Variants in NXN observed in about 807,000 individuals in gnomAD.
NXN encodes the protein nucleoredoxin, also known as nucleoredoxin 1.
In NXN, 16 loss-of-function variants were observed where a neutral mutation model predicts 48.6. The observed-to-expected ratio is 0.33, with a 90% CI of 0.22 to 0.50. NXN has a LOEUF of 0.50. Ranked by LOEUF, NXN falls within the 20% of genes least tolerant of loss-of-function variation. NXN has a pLI of 0.98. For synonymous variants in NXN, 281 were observed against 269.6 expected, an observed-to-expected ratio of 1.04 and a Z score of -0.41; for missense variants, 492 against 605.5, an observed-to-expected ratio of 0.81 and a Z score of 1.97.
intron 7 of NXN, among the ~76,000 whole-genome samples, chr17:802,822 C>T (rs375656907): frequency 8.5e-5 from 13 of 152,296 alleles, no homozygotes; most frequent in Admixed American, 1.3e-4. Context: ...CTGCCTCCTC[C>T]GTGCCTCTCC....
intron 1 of NXN, among the ~76,000 whole-genome samples, chr17:949,906 AAC>A (rs1394436454): frequency 1.3e-5 from 2 of 151,802 alleles, no homozygotes; most frequent in African/African-American, 4.8e-5. Flanking sequence ...ACCTTCTGGT[AAC>A]AGTCATTTGG....
In NXN at chr17:932,324, G is replaced by A. The variant is rs1597252464; in HGVS notation, c.360+46995C>T. Reference sequence around the variant, plus strand: ...CTGGTCCCTGGACGTACGGCTTCCGGGTTGCCTGGGAACTGTTGCTAGAAT... The same window carrying A: ...CTGGTCCCTGGACGTACGGCTTCCGAGTTGCCTGGGAACTGTTGCTAGAAT... On this transcript the variant is annotated intron_variant, in intron 1 of 7. Coordinates refer to ENST00000336868, the MANE Select transcript of NXN (RefSeq NM_022463.5). This position sits in a 1 kb window ranked among gnomAD's most constrained non-coding sequence, Gnocchi z 4.1. 6.6e-6 allele frequency among the ~76,000 whole-genome samples: 1 copy of A among 152,154 alleles called. No homozygotes were observed. The highest frequency in any genetic ancestry group is 6.5e-5 in the Admixed American group (1 of 15,274).
At chr17:843,379 T>C (rs1477350795) in intron 1 of NXN, among the ~76,000 whole-genome samples, 2 of 152,214 alleles carry the variant, frequency 1.3e-5, no homozygotes, top group Admixed American at 6.5e-5. Flanking sequence ...AAACGGCATA[T>C]GGCTGCCAGG....
rs571418500 is a variant in NXN at position 920,137 on chromosome 17, C to A, written c.360+59182G>T. ...CTGGTCTTGAACTCCTGGGCTCAAG[C>A]GATCAGCCCATCTCAGCCGCCCAAA... On this transcript the variant is annotated intron_variant, in intron 1 of 7. Transcript: ENST00000336868. The surrounding 1 kb of genome is among the most constrained non-coding windows in gnomAD (Gnocchi z 4.6). Among the ~76,000 whole-genome samples, 1 of 152,002 alleles carries A rather than the reference C, an allele frequency of 6.6e-6. No homozygotes were observed. The highest frequency in any genetic ancestry group is 2.4e-5 in the African/African-American group (1 of 41,384).
chr17:935,143 A>C (rs907392207), intron 1 of NXN, among the ~76,000 whole-genome samples: 5 of 151,804 alleles, frequency 3.3e-5, no homozygotes, highest in African/African-American at 1.2e-4. Context: ...AGGTGCATGC[A>C]CTACCACGCC....
At chr17:809,579 C>T (rs937339118) in intron 5 of NXN, among the ~76,000 whole-genome samples, 4 of 152,154 alleles carry the variant, frequency 2.6e-5, no homozygotes, top group Middle Eastern at 3.4e-3. Context: ...TGGATGGCAA[C>T]GTGATCTGAG....
At chr17:897,671 TG>T (rs1474969464) in intron 1 of NXN, among the ~76,000 whole-genome samples, 9 of 136,612 alleles carry the variant, frequency 6.6e-5, no homozygotes, top group African/African-American at 1.7e-4. Flanking sequence ...GTCCAGCATT[TG>T]TTTTTCTTTT....
At chr17:916,924 G>A (rs1314173702) in intron 1 of NXN, among the ~76,000 whole-genome samples, 1 of 152,088 alleles carries the variant, frequency 6.6e-6, no homozygotes, top group Non-Finnish European at 1.5e-5. Context: ...CAACCAACAG[G>A]CCTCTAGGTT....
chr17:926,434 G>A (rs527450085), intron 1 of NXN, among the ~76,000 whole-genome samples: 5 of 151,970 alleles, frequency 3.3e-5, no homozygotes, highest in South Asian at 2.1e-4. Context: ...CGATCCTCCC[G>A]CCTCAGCCTC....
At chr17:882,403 G>A (rs2068293835) in intron 1 of NXN, among the ~76,000 whole-genome samples, 1 of 152,216 alleles carries the variant, frequency 6.6e-6, no homozygotes, top group Admixed American at 6.5e-5. Context: ...GCTCCTGAAT[G>A]AGGCGGAGCC....
chr17:948,605 G>A (rs1044997508), intron 1 of NXN, among the ~76,000 whole-genome samples: 2 of 152,000 alleles, frequency 1.3e-5, no homozygotes, highest in African/African-American at 2.4e-5. Context: ...GCTCCCGGGC[G>A]ACTGAAGATC....
In NXN at chr17:802,766, G is replaced by A. The variant is rs1029709962; in HGVS notation, c.1125+916C>T. Among the ~76,000 whole-genome samples the A allele has an allele frequency of 5.3e-5, 8 of 152,322 alleles. No homozygotes were observed. The East Asian group carries it at 1.4e-3, about 26-fold the overall frequency. On this transcript the variant is annotated intron_variant, in intron 7 of 7. Coordinates refer to ENST00000336868, the MANE Select transcript of NXN (RefSeq NM_022463.5). ...CCCAGGTGCTGGGCTGGGCAGGGCC[G>A]GGGGCTGAGGTGATGAATGGGTGGC...
At chr17:812,570 T>A (rs976023183) in intron 5 of NXN, among the ~76,000 whole-genome samples, 14 of 152,020 alleles carry the variant, frequency 9.2e-5, no homozygotes, top group African/African-American at 3.4e-4. Context: ...TGTGTGTGAG[T>A]CTGTGTGTGC....
At chr17:804,339 G>A (rs973931871) in intron 6 of NXN, among the ~76,000 whole-genome samples, 12 of 143,736 alleles carry the variant, frequency 8.3e-5, no homozygotes, top group Admixed American at 2.9e-4. Flanking sequence ...CTGGAGTGCA[G>A]TGGTGCCATC....
At chr17:868,678 G>T (rs2068119371) in intron 1 of NXN, among the ~76,000 whole-genome samples, 1 of 152,028 alleles carries the variant, frequency 6.6e-6, no homozygotes, top group African/African-American at 2.4e-5. Flanking sequence ...ATTTTTAGTA[G>T]AGACGGGGTT....
chr17:946,381 A>C (rs561749425), intron 1 of NXN, among the ~76,000 whole-genome samples: 5 of 152,184 alleles, frequency 3.3e-5, no homozygotes, highest in Admixed American at 2.0e-4. Context: ...GTTGGCCAGG[A>C]TGGTCTTGAT....
chr17:892,976 A>G (rs2144873824), intron 1 of NXN, among the ~76,000 whole-genome samples: 1 of 152,374 alleles, frequency 6.6e-6, no homozygotes, highest in Non-Finnish European at 1.5e-5. Flanking sequence ...CTGGAGGGCA[A>G]GGGAGGGGTA....
chr17:885,353 C>T (rs923601287), intron 1 of NXN, among the ~76,000 whole-genome samples: 5 of 151,838 alleles, frequency 3.3e-5, no homozygotes, highest in East Asian at 2.0e-4. Flanking sequence ...TGCAGGCGCC[C>T]GTCATCCCAG....
chr17:947,259 C>T (rs1034225169), intron 1 of NXN, among the ~76,000 whole-genome samples: 4 of 152,192 alleles, frequency 2.6e-5, no homozygotes, highest in Admixed American at 6.6e-5. Context: ...GACGGGGACG[C>T]GCAGGTGCTG....
Sources: gnomAD v4.1 joint callset for allele counts (sites outside exome capture counted in the v4.1 genomes callset) on GRCh38, gnomAD v4.1.1 for gene constraint, Gnocchi (gnomAD v3.1) non-coding constraint, MANE v1.5 for transcripts, NCBI Gene and HGNC (gene_info 2026-07-23, HGNC 2026-07-21) for gene names.